The following PKHD1L1 variants were observed in gnomAD, a reference collection of about 807,000 sequenced individuals.
The protein encoded by PKHD1L1 is fibrocystin-L.
In PKHD1L1, 434 loss-of-function variants were observed where a neutral mutation model predicts 462.9. The ratio of observed to expected loss-of-function variants is 0.94; its 90% CI spans 0.87 to 1.02. The LOEUF (loss-of-function observed/expected upper bound fraction) is 1.02, where lower values mean the gene tolerates loss of function less well. Among genes scored for constraint, PKHD1L1 ranks in the 50% least tolerant of loss-of-function variants. PKHD1L1 has a pLI of 0.00. For synonymous variants in PKHD1L1, 1,781 were observed against 1,750.0 expected (o/e 1.02, Z -0.44); for missense variants, 5,202 against 5,096.1 (o/e 1.02, Z -0.63).
intron 59 of PKHD1L1, among the ~76,000 whole-genome samples, chr8:109,487,799 A>G (rs538534655): frequency 6.6e-6 from 1 of 151,620 alleles, no homozygotes; most frequent in Non-Finnish European, 1.5e-5. Flanking sequence ...TGACTACTTG[A>G]GGCCAGGAGT....
rs562949964 is a variant in PKHD1L1, at chr8:109,436,513, T to C, written c.3627+54T>C. On this transcript the variant is annotated intron_variant, in intron 30 of 77. Coordinates refer to ENST00000378402, the MANE Select transcript of PKHD1L1 (RefSeq NM_177531.6). Reference sequence around the variant, plus strand: ...CCTCCTAAGTCTGAAATCTTATAAATTAGGAAACATCTCAGTGGGGCGGGG... The same window carrying C: ...CCTCCTAAGTCTGAAATCTTATAAACTAGGAAACATCTCAGTGGGGCGGGG... 3 of 1,597,210 alleles carry C rather than the reference T, an allele frequency of 1.9e-6. No individual in the cohort carries two copies. The Admixed American group carries it at 5.2e-5, about 28-fold the overall frequency.
Position 109,526,860 on chromosome 8 carries a change from G to C in PKHD1L1, c.12561G>C (p.Glu4187Asp), listed in dbSNP as rs774924753. 5.6e-6 allele frequency: 9 copies of C among 1,603,324 alleles called. No homozygotes were observed. The highest frequency in any genetic ancestry group is 7.7e-6 in the Non-Finnish European group (9 of 1,174,342). Residue 4187 changes from glutamate (E) to aspartate (D), a missense_variant, in exon 77 of 78, where the codon GAG (glutamate) becomes GAC (aspartate). By Grantham distance (45) the Glu-to-Asp change is conservative. Transcript: ENST00000378402. ...CCAGAACTTTCAGCCTGCTGGCAGA[G>C]TCTGTCTCTAGCAGTGGCAGCAGCA... ...VESRTFSLLAESVSSSGSSSS... is the reference protein window; with the variant it reads ...VESRTFSLLADSVSSSGSSSS...
chr8:109,411,031 T>C (rs748093481), intron 19 of PKHD1L1, among the ~76,000 whole-genome samples: 2 of 151,900 alleles, frequency 1.3e-5, no homozygotes, highest in Non-Finnish European at 2.9e-5. Context: ...CCGGCCTTGG[T>C]TTTTGTTTTC....
intron 73 of PKHD1L1, among the ~76,000 whole-genome samples, chr8:109,518,827 T>C (rs997948162): frequency 1.4e-4 from 22 of 152,120 alleles, no homozygotes; most frequent in African/African-American, 4.8e-4. Context: ...AGGATGAAGA[T>C]AGTCAATGAA....
At chr8:109,486,455 A>G (rs1469866659) in intron 58 of PKHD1L1, among the ~76,000 whole-genome samples, 193 bp from the exon 59 acceptor site, 1 of 152,028 alleles carries the variant, frequency 6.6e-6, no homozygotes, top group African/African-American at 2.4e-5. Flanking sequence ...ATTTTTGATT[A>G]TATTTCATTT....
rs1263555295 is a variant in PKHD1L1, at chr8:109,464,645, A to G, written c.7813A>G (p.Arg2605Gly). The G allele has an allele frequency of 1.9e-6, 3 of 1,612,742 alleles. No individual in the cohort carries two copies. The highest frequency in any genetic ancestry group is 2.5e-6 in the Non-Finnish European group (3 of 1,179,814). The change falls in exon 49 of 78, where the codon AGA becomes GGA. Residue 2605 changes from arginine (R) to glycine (G), a missense_variant. This residue lies in a region of PKHD1L1 where 4,497 missense variants were observed against 4,336.8 expected (regional missense o/e 1.04). Coordinates refer to ENST00000378402, the MANE Select transcript of PKHD1L1 (RefSeq NM_177531.6). ...PSYDRNICQK[R>G]VPLGEFFNNT... ...CTATGACAGAAACATTTGTCAAAAA[A>G]GAGTTCCCCTTGGCGAATTTTTTAA...
intron 26 of PKHD1L1, 94 bp from the exon 27 acceptor site, chr8:109,429,838 C>A (rs1016058319): frequency 4.8e-6 from 4 of 841,420 alleles, no homozygotes; most frequent in African/African-American, 3.5e-5. Context: ...AATTAGCAAA[C>A]CAACAAAATT....
rs749847207 is a variant in PKHD1L1, at chr8:109,465,013, C to T, written c.8181C>T (p.Gly2727=). 2 of 1,613,742 alleles carry T rather than the reference C, an allele frequency of 1.2e-6. No individual in the cohort carries two copies. The highest frequency in any genetic ancestry group is 1.7e-6 in the Non-Finnish European group (2 of 1,179,776). The change falls in exon 49 of 78, where the codon GGC becomes GGT. Residue 2727 remains glycine (G), a synonymous_variant. Coordinates refer to ENST00000378402, the MANE Select transcript of PKHD1L1 (RefSeq NM_177531.6). ...GMGSAFCTAK[G]LVLPFSEGLT... is the part of the protein sequence containing the mutation. ...GGTCTGCATTTTGCACAGCAAAAGGCCTGGTTCTCCCATTTAGTGAAGGCT... is the reference window on the plus strand; with the variant it reads ...GGTCTGCATTTTGCACAGCAAAAGGTCTGGTTCTCCCATTTAGTGAAGGCT...
At chr8:109,446,986 G>A (rs1816180801) in intron 38 of PKHD1L1, among the ~76,000 whole-genome samples, 2 of 152,176 alleles carry the variant, frequency 1.3e-5, no homozygotes, top group African/African-American at 4.8e-5. Context: ...CACTTTGGGA[G>A]GCTGAGGCTG....
intron 6 of PKHD1L1, 132 bp from the exon 7 acceptor site, chr8:109,388,365 C>G (rs1233238442): frequency 1.5e-6 from 1 of 684,724 alleles, no homozygotes; most frequent in Non-Finnish European, 2.6e-6. Context: ...TTGTTGAATG[C>G]ATGAGTGAGG....
intron 51 of PKHD1L1, among the ~76,000 whole-genome samples, chr8:109,475,539 CT>C (rs1469423207): frequency 6.6e-6 from 1 of 152,014 alleles, no homozygotes; most frequent in Non-Finnish European, 1.5e-5. Flanking sequence ...AATAACTTAC[CT>C]TTACTGAGAG....
chr8:109,485,971 T>G (rs1818505462), intron 58 of PKHD1L1, among the ~76,000 whole-genome samples: 1 of 152,034 alleles, frequency 6.6e-6, no homozygotes, highest in African/African-American at 2.4e-5. Context: ...TTTTGAAGTT[T>G]GACATTATAG....
chr8:109,429,279 A>G, intron 25 of PKHD1L1, 61 bp from the exon 26 acceptor site: 1 of 1,339,972 alleles, frequency 7.5e-7, no homozygotes, highest in Non-Finnish European at 1.0e-6. Flanking sequence ...TTTAAAATGA[A>G]AAACTAGTGT....
chr8:109,405,498 C>G (rs984994927), intron 16 of PKHD1L1, among the ~76,000 whole-genome samples: 1 of 152,250 alleles, frequency 6.6e-6, no homozygotes, highest in South Asian at 2.1e-4. Flanking sequence ...CCATAGAATA[C>G]TATGCAGCCA....
rs1813211490 is a variant in PKHD1L1 at position 109,400,349 on chromosome 8, G to C, written c.1281+5G>C. On this transcript the variant is annotated splice_donor_5th_base_variant and intron_variant, in intron 13 of 77. Transcript: ENST00000378402. ...ACTGGACTTCCAGAAGATAAGGTAGGGAAGCCTCAGAATACTATTTGATAC... is the reference window on the plus strand; with the variant it reads ...ACTGGACTTCCAGAAGATAAGGTAGCGAAGCCTCAGAATACTATTTGATAC... 6.2e-7 allele frequency: 1 copy of C among 1,611,164 alleles called. No individual in the cohort carries two copies.
At chr8:109,480,678 T>C (rs1478721917) in intron 55 of PKHD1L1, 2 of 440,066 alleles carry the variant, frequency 4.5e-6, no homozygotes, top group Admixed American at 2.5e-5. Context: ...CTTGTAATAT[T>C]GTTCATGAAA....
Position 109,476,603 on chromosome 8 carries a change from T to G in PKHD1L1, c.8853T>G (p.Asn2951Lys). The change falls in exon 52 of 78, where the codon AAT becomes AAG. Residue 2951 changes from asparagine to lysine, a missense_variant. By Grantham distance (94) the Asn-to-Lys change is moderately conservative. Around this residue, in one of 3 missense-constraint regions of PKHD1L1, gnomAD observed 4,497 missense variants for 4,336.8 expected, o/e 1.04. Coordinates refer to ENST00000378402, the MANE Select transcript of PKHD1L1 (RefSeq NM_177531.6). ...GGAATGGTTCCTCAAATCCATTGAATTGGAATACTAGCAAGAATGGGGACT... is the reference window on the plus strand; with the variant it reads ...GGAATGGTTCCTCAAATCCATTGAAGTGGAATACTAGCAAGAATGGGGACT... ...DMRNGSSNPL[N>K]WNTSKNGDWH... is the part of the protein sequence containing the mutation. 6.3e-7 allele frequency: 1 copy of G among 1,593,940 alleles called. No homozygotes were observed. Among genetic ancestry groups the G allele is most frequent in the Non-Finnish European group, 8.6e-7 (1 of 1,168,304 alleles).
Position 109,530,299 on chromosome 8 carries a change from T to A in PKHD1L1, c.*209T>A, listed in dbSNP as rs1821007843. 4 of 286,814 alleles carry A rather than the reference T, an allele frequency of 1.4e-5. No individual in the cohort carries two copies. The Admixed American group carries it at 2.2e-4, about 16-fold the overall frequency. The allele number at this position is 286,814 out of a possible 1,614,324, so 17.8% of individuals were successfully genotyped here. A position where few individuals can be genotyped will look rare whatever the true frequency, so the allele number is the denominator to read the frequency against. Reference sequence around the variant, plus strand: ...GATTCTTTATATTTATATGTTTTTATTTCATTTCAATAAACTTCCAGAAAT... The same window carrying A: ...GATTCTTTATATTTATATGTTTTTAATTCATTTCAATAAACTTCCAGAAAT... On this transcript the variant is annotated 3_prime_UTR_variant, in exon 78 of 78. Transcript: ENST00000378402.
chr8:109,482,967 A>G lies in PKHD1L1; in HGVS notation c.9458-20A>G. On this transcript the variant is annotated intron_variant, in intron 56 of 77. Coordinates refer to ENST00000378402, the MANE Select transcript of PKHD1L1 (RefSeq NM_177531.6). ...CAGTACTGTGGGGTGAATAAGTAGG[A>G]GTGTGCTTTTCTTCTTTAGGGGTGT... 5 of 1,500,410 alleles carry G rather than the reference A, an allele frequency of 3.3e-6. No homozygotes were observed. The highest frequency in any genetic ancestry group is 4.6e-6 in the Non-Finnish European group (5 of 1,096,546). The allele number at this position is 1,500,410 out of a possible 1,614,324, so 92.9% of individuals were successfully genotyped here. A position where few individuals can be genotyped will look rare whatever the true frequency, so the allele number is the denominator to read the frequency against.
Sources: gnomAD v4.1 joint callset for allele counts (sites outside exome capture counted in the v4.1 genomes callset) on GRCh38, gnomAD v4.1.1 for gene constraint, gnomAD v4.1.1 regional missense constraint, MANE v1.5 for transcripts, NCBI Gene and HGNC (gene_info 2026-07-23, HGNC 2026-07-21) for gene names.